Variants in GIN1 observed in about 807,000 individuals in gnomAD.
GIN1 encodes the protein gypsy retrotransposon integrase 1.
GIN1 carries 41 observed loss-of-function variants against 51.4 expected under a neutral mutation model. The ratio of observed to expected loss-of-function variants is 0.80; its 90% confidence interval spans 0.62 to 1.04. The LOEUF (loss-of-function observed/expected upper bound fraction) is 1.04. Among genes scored for constraint, GIN1 ranks in the 50% least tolerant of loss-of-function variants. The pLI is 0.00. For synonymous variants in GIN1, 222 were observed against 206.5 expected (o/e 1.07, Z -0.64); for missense variants, 610 against 612.4 (o/e 1.00, Z 0.04).
intron 1 of GIN1, among the ~76,000 whole-genome samples, chr5:103,115,762 C>A (rs1554197326): frequency 6.6e-6 from 1 of 151,592 alleles, no homozygotes; most frequent in East Asian, 1.9e-4. Flanking sequence ...AGGGAGTAAC[C>A]CAAAAAGTTT....
At chr5:103,103,739 A>G (rs1304376596) in intron 4 of GIN1, among the ~76,000 whole-genome samples, 4 of 152,192 alleles carry the variant, frequency 2.6e-5, no homozygotes, top group Non-Finnish European at 2.9e-5. Flanking sequence ...AAGAAAATGT[A>G]TTCTTCCATT....
chr5:103,099,450 A>C (rs1413276174), intron 4 of GIN1, among the ~76,000 whole-genome samples: 3 of 152,124 alleles, frequency 2.0e-5, no homozygotes, highest in Non-Finnish European at 2.9e-5. Flanking sequence ...CCTAGCTGAT[A>C]TACATACTAA....
intron 7 of GIN1, among the ~76,000 whole-genome samples, chr5:103,090,159 T>A (rs1239157302): frequency 6.6e-6 from 1 of 152,124 alleles, no homozygotes; most frequent in East Asian, 1.9e-4. Flanking sequence ...CATGGTGGCA[T>A]GTGCCTGTAA....
Position 103,087,975 on chromosome 5 carries a change from C to G in GIN1, c.1492G>C (p.Asp498His). Residue 498 changes from aspartate (D) to histidine (H), a missense_variant, in exon 8 of 8, where the codon GAC (aspartate) becomes CAC (histidine). Asp to His is a moderately conservative substitution (Grantham distance 81, BLOSUM62 -1). Coordinates refer to ENST00000399004, the MANE Select transcript of GIN1 (RefSeq NM_017676.2). ...TGCTTTTCAAGAGAACTATGATCGT[C>G]TATCAATGGAGAGATTTTCGTATTT... is the stretch of plus-strand genomic sequence containing the variant. The part of the protein sequence containing the change: ...YRNTKISPLI[D>H]DHSSLEKQTF... 3 of 1,595,978 alleles carry G rather than the reference C, an allele frequency of 1.9e-6. No homozygotes were observed. The highest frequency in any genetic ancestry group is 2.6e-6 in the Non-Finnish European group (3 of 1,164,430).
chr5:103,090,159 T>C (rs1239157302), intron 7 of GIN1, among the ~76,000 whole-genome samples: 3 of 152,124 alleles, frequency 2.0e-5, no homozygotes, highest in African/African-American at 4.8e-5. Context: ...CATGGTGGCA[T>C]GTGCCTGTAA....
intron 4 of GIN1, among the ~76,000 whole-genome samples, chr5:103,098,961 TATAAA>T (rs1787488023): frequency 6.6e-6 from 1 of 152,196 alleles, no homozygotes; most frequent in Non-Finnish European, 1.5e-5. Context: ...ACCCATTAAA[TATAAA>T]ATAATATTTT....
chr5:103,119,613 G>A (rs1264508163), intron 1 of GIN1, among the ~76,000 whole-genome samples: 1 of 152,006 alleles, frequency 6.6e-6, no homozygotes, highest in African/African-American at 2.4e-5. Flanking sequence ...GTTTCTCCCC[G>A]CCACGTATTT....
At chr5:103,115,043 G>C (rs547566221) in intron 1 of GIN1, among the ~76,000 whole-genome samples, 1 of 152,260 alleles carries the variant, frequency 6.6e-6, no homozygotes, top group South Asian at 2.1e-4. Context: ...CTTGGGCTTA[G>C]CTATAAAGGC....
At chr5:103,091,110 G>T (rs1787226141) in intron 7 of GIN1, among the ~76,000 whole-genome samples, 1 of 152,132 alleles carries the variant, frequency 6.6e-6, no homozygotes, top group African/African-American at 2.4e-5. Context: ...GGTCAAATAT[G>T]TTTCAACTCC....
chr5:103,104,631 T>C lies in GIN1; in HGVS notation c.549A>G (p.Ser183=), dbSNP rs144640096. 109 of 1,593,396 alleles carry C rather than the reference T, an allele frequency of 6.8e-5. No homozygotes were observed. The African/African-American group carries it at 1.3e-3, about 19-fold the overall frequency. ...TATTGATAATAGCTTTAGAAACTTC[T>C]GATGCTGAAACATCACATAGAGGCA... ...VILPLCDVSA[S]EVSKAIINIF... is the part of the protein sequence containing the mutation. Residue 183 remains serine, a synonymous_variant, in exon 4 of 8, where the codon TCA becomes TCG. Coordinates refer to ENST00000399004, the MANE Select transcript of GIN1 (RefSeq NM_017676.2).
At chr5:103,096,462 G>C (rs782322595) in intron 7 of GIN1, 79 bp downstream of exon 7, 7 of 1,024,622 alleles carry the variant, frequency 6.8e-6, no homozygotes, top group Non-Finnish European at 8.7e-6. Context: ...TAACAAAAGA[G>C]GGGAGAAAGG....
chr5:103,090,900 AACACACACACAC>A (rs3836842), intron 7 of GIN1, among the ~76,000 whole-genome samples: 1 of 148,272 alleles, frequency 6.7e-6, no homozygotes, highest in Non-Finnish European at 1.5e-5. Flanking sequence ...GTCACACACG[AACACACACACAC>A]ACACACACAC....
intron 1 of GIN1, among the ~76,000 whole-genome samples, chr5:103,115,113 T>C (rs1256212907): frequency 6.6e-6 from 1 of 152,146 alleles, no homozygotes. Flanking sequence ...ATCTAAAAAA[T>C]GTGACTGAGT....
chr5:103,106,034 C>T (rs1246919708), intron 3 of GIN1, among the ~76,000 whole-genome samples: 2 of 152,180 alleles, frequency 1.3e-5, no homozygotes, highest in South Asian at 2.1e-4. Context: ...AAATGCCACT[C>T]TTTTTGATGT....
intron 7 of GIN1, among the ~76,000 whole-genome samples, chr5:103,088,460 A>G (rs1225706983): frequency 6.6e-6 from 1 of 152,166 alleles, no homozygotes; most frequent in Non-Finnish European, 1.5e-5. Flanking sequence ...TATGCGGACA[A>G]CGGGATAGAA....
intron 7 of GIN1, among the ~76,000 whole-genome samples, chr5:103,095,500 A>T (rs1049766349): frequency 2.2e-4 from 33 of 152,336 alleles, no homozygotes; most frequent in Middle Eastern, 3.4e-3. Context: ...AGCAATATTA[A>T]AAATTAATGT....
At chr5:103,110,541 T>C (rs552070765) in intron 1 of GIN1, among the ~76,000 whole-genome samples, 29 of 152,128 alleles carry the variant, frequency 1.9e-4, no homozygotes, top group African/African-American at 6.3e-4. Flanking sequence ...CACGATGACT[T>C]AGAATTACAC....
intron 1 of GIN1, among the ~76,000 whole-genome samples, 167 bp downstream of exon 1, chr5:103,119,897 C>T (rs1350054333): frequency 6.6e-6 from 1 of 152,194 alleles, no homozygotes; most frequent in Non-Finnish European, 1.5e-5. Context: ...GACATCGCAA[C>T]GCCCAAGGCC....
chr5:103,114,510 T>C (rs782224493), intron 1 of GIN1, among the ~76,000 whole-genome samples: 1 of 152,186 alleles, frequency 6.6e-6, no homozygotes, highest in East Asian at 1.9e-4. Context: ...ATGGATGAAC[T>C]CGGCATGTAA....
Sources: allele counts gnomAD v4.1 joint callset (sites outside exome capture counted in the v4.1 genomes callset), GRCh38; gene constraint gnomAD v4.1.1; transcripts MANE v1.5; gene names NCBI Gene and HGNC (gene_info 2026-07-23, HGNC 2026-07-21).